The following DLGAP1 variants were observed in gnomAD, a reference collection of about 807,000 sequenced individuals.
DLGAP1 encodes the protein disks large-associated protein 1.
In DLGAP1, 11 loss-of-function variants were observed where a neutral mutation model predicts 90.8. The observed-to-expected ratio is 0.12, with a 90% confidence interval of 0.08 to 0.20. DLGAP1 has a LOEUF of 0.20. Ranked by LOEUF, DLGAP1 falls within the 10% of genes least tolerant of loss-of-function variation. The probability of loss-of-function intolerance (pLI) is 1.00; values close to 1 mark genes in which losing one functional copy is unlikely to be tolerated. For synonymous variants in DLGAP1, 558 were observed against 540.7 expected, an observed-to-expected ratio of 1.03 and a Z score of -0.44; for missense variants, 1,050 against 1,333.8, an observed-to-expected ratio of 0.79 and a Z score of 3.31.
chr18:4,095,227 T>G (rs192061203), intron 2 of DLGAP1, among the ~76,000 whole-genome samples: 1 of 152,270 alleles, frequency 6.6e-6, no homozygotes, highest in African/African-American at 2.4e-5. Context: ...GAAAGAGATT[T>G]TTTTTCCGGT....
chr18:3,891,047 C>T (rs1365219799), intron 3 of DLGAP1, among the ~76,000 whole-genome samples: 3 of 152,206 alleles, frequency 2.0e-5, no homozygotes, highest in African/African-American at 4.8e-5. Context: ...ACATGCAGTG[C>T]ACTGGGCACT....
chr18:3,959,850 A>G (rs1213438205), intron 3 of DLGAP1, among the ~76,000 whole-genome samples: 3 of 152,200 alleles, frequency 2.0e-5, no homozygotes, highest in African/African-American at 4.8e-5. Context: ...ATCAATATAC[A>G]ATTATTAATG....
intron 10 of DLGAP1, 126 bp from the exon 11 acceptor site, chr18:3,508,787 T>A: frequency 1.5e-6 from 1 of 673,426 alleles, no homozygotes; most frequent in Non-Finnish European, 2.5e-6. Flanking sequence ...CACTGAACAC[T>A]CATGCCCACC....
intron 3 of DLGAP1, among the ~76,000 whole-genome samples, chr18:3,882,979 C>T (rs2071214827): frequency 6.6e-6 from 1 of 152,156 alleles, no homozygotes; most frequent in Non-Finnish European, 1.5e-5. Context: ...TGCGGTGGCT[C>T]ACGCCTGTAA....
chr18:3,637,894 A>T (rs1332047992), intron 7 of DLGAP1, among the ~76,000 whole-genome samples: 2 of 150,030 alleles, frequency 1.3e-5, no homozygotes, highest in Non-Finnish European at 3.0e-5. Flanking sequence ...TCAATTCATA[A>T]CTCTATGGTT....
intron 1 of DLGAP1, among the ~76,000 whole-genome samples, chr18:4,338,145 T>A (rs579525): frequency 6.6e-6 from 1 of 152,186 alleles, no homozygotes; most frequent in Non-Finnish European, 1.5e-5. Context: ...TTTGTGAAAC[T>A]GTACATCTAT....
intron 1 of DLGAP1, among the ~76,000 whole-genome samples, chr18:4,154,570 G>A (rs1362966613): frequency 1.3e-5 from 2 of 151,880 alleles, no homozygotes; most frequent in Non-Finnish European, 2.9e-5. Context: ...ACACTACAAA[G>A]GTATTGCATT....
chr18:4,227,155 A>T (rs1301819777), intron 1 of DLGAP1, among the ~76,000 whole-genome samples: 1 of 152,038 alleles, frequency 6.6e-6, no homozygotes, highest in Non-Finnish European at 1.5e-5. Context: ...ATAAGAGGAT[A>T]TAACAATTGT....
intron 7 of DLGAP1, among the ~76,000 whole-genome samples, chr18:3,619,796 G>C (rs1426094644): frequency 1.4e-5 from 2 of 143,044 alleles, no homozygotes; most frequent in South Asian, 4.6e-4. Context: ...ATTTGCCGGA[G>C]TTGGTTTTTT....
At chr18:3,977,244 G>C (rs1182780285) in intron 3 of DLGAP1, among the ~76,000 whole-genome samples, 1 of 151,942 alleles carries the variant, frequency 6.6e-6, no homozygotes, top group Non-Finnish European at 1.5e-5. Flanking sequence ...GCTAATTTTT[G>C]TATTTTTAGT....
intron 3 of DLGAP1, among the ~76,000 whole-genome samples, chr18:3,924,094 A>C (rs2072327090): frequency 6.6e-6 from 1 of 152,230 alleles, no homozygotes; most frequent in South Asian, 2.1e-4. Context: ...GTGATGTCAC[A>C]GAAATAACTA....
intron 1 of DLGAP1, among the ~76,000 whole-genome samples, chr18:4,240,544 C>T (rs2145125106): frequency 6.6e-6 from 1 of 152,128 alleles, no homozygotes; most frequent in South Asian, 2.1e-4. Context: ...TTATGTAAGA[C>T]CAGAATGAAA....
At chr18:4,064,908 A>C (rs539850002) in intron 2 of DLGAP1, among the ~76,000 whole-genome samples, 1 of 152,214 alleles carries the variant, frequency 6.6e-6, no homozygotes, top group Non-Finnish European at 1.5e-5. Context: ...TCCTTGAAGA[A>C]CATTGATGCA....
rs572405519 is a variant in DLGAP1, at chr18:4,095,657, G to A, written c.-159+55523C>T. On this transcript the variant is annotated intron_variant, in intron 2 of 12. Coordinates refer to ENST00000315677, the MANE Select transcript of DLGAP1 (RefSeq NM_004746.4). ...AAGACAGATAGGGCTGGTGGCCCTG[G>A]AGGGGCTGCATCATGATGGTGACAG... Among the ~76,000 whole-genome samples, 6 of 152,098 alleles carry A rather than the reference G, an allele frequency of 3.9e-5. 1 individual carries two copies. The South Asian group carries it at 1.3e-3, about 32-fold the overall frequency.
intron 11 of DLGAP1, among the ~76,000 whole-genome samples, chr18:3,504,356 T>C (rs1254091558): frequency 2.6e-5 from 4 of 152,144 alleles, no homozygotes; most frequent in Admixed American, 2.0e-4. Context: ...TTAGGCACTT[T>C]GGGAACTATA....
Position 4,399,979 on chromosome 18 carries a change from A to G in DLGAP1, c.-267+55027T>C, listed in dbSNP as rs531341494. 3.9e-5 allele frequency among the ~76,000 whole-genome samples: 6 copies of G among 152,246 alleles called. No homozygotes were observed. In the South Asian group the frequency reaches 1.2e-3, roughly 32 times the overall value. On this transcript the variant is annotated intron_variant, in intron 1 of 12. Coordinates refer to ENST00000315677, the MANE Select transcript of DLGAP1 (RefSeq NM_004746.4). ...AAGGGCCCTGAGAGCATCATTAATA[A>G]AGCCCTAAATAAAAAAAAGTACAGG...
chr18:4,025,293 A>G (rs944962518), intron 2 of DLGAP1, among the ~76,000 whole-genome samples: 1 of 150,030 alleles, frequency 6.7e-6, no homozygotes, highest in Non-Finnish European at 1.5e-5. Context: ...CCAAATCCAA[A>G]AATCTGAAAT....
At chr18:3,567,307 G>A (rs2145124233) in intron 9 of DLGAP1, among the ~76,000 whole-genome samples, 183 bp downstream of exon 9, 1 of 152,200 alleles carries the variant, frequency 6.6e-6, no homozygotes, top group Non-Finnish European at 1.5e-5. Context: ...AACTCAAATG[G>A]AGTGGTGTCT....
At chr18:3,741,752 C>A (rs2063057295) in intron 6 of DLGAP1, among the ~76,000 whole-genome samples, 1 of 152,206 alleles carries the variant, frequency 6.6e-6, no homozygotes, top group Admixed American at 6.5e-5. Context: ...TCTCTCCAAT[C>A]TTTCCTATGT....
Sources: allele counts gnomAD v4.1 joint callset (sites outside exome capture counted in the v4.1 genomes callset), GRCh38; gene constraint gnomAD v4.1.1; transcripts MANE v1.5; gene names NCBI Gene and HGNC (gene_info 2026-07-23, HGNC 2026-07-21).